Variants in TANC2 observed in about 807,000 individuals in gnomAD.
TANC2 encodes tetratricopeptide repeat, ankyrin repeat and coiled-coil containing 2.
Under a neutral mutation model 210.5 loss-of-function variants are expected in TANC2, and 26 were observed. That is an observed-to-expected ratio of 0.12 (90% CI 0.09 to 0.17). The LOEUF is 0.17. Among genes scored for constraint, TANC2 ranks in the 10% least tolerant of loss-of-function variants. The probability of loss-of-function intolerance (pLI) is 1.00; values close to 1 mark genes in which losing one functional copy is unlikely to be tolerated. For missense variants in TANC2, 2,129 were observed against 2,608.9 expected, an observed-to-expected ratio of 0.82 and a Z score of 4.01; for synonymous variants, 931 against 967.1, an observed-to-expected ratio of 0.96 and a Z score of 0.69.
intron 2 of TANC2, among the ~76,000 whole-genome samples, chr17:63,045,620 C>T (rs1293280783): frequency 6.6e-6 from 1 of 151,872 alleles, no homozygotes; most frequent in Non-Finnish European, 1.5e-5. Context: ...AGAAAAGGGT[C>T]TAATCTTTTT....
chr17:63,116,181 T>G (rs972010939), intron 4 of TANC2, among the ~76,000 whole-genome samples: 4 of 152,196 alleles, frequency 2.6e-5, no homozygotes, highest in African/African-American at 9.7e-5. Context: ...CAATTTCATA[T>G]AGAACTACCC....
chr17:63,261,208 T>C (rs549559912), intron 8 of TANC2, among the ~76,000 whole-genome samples: 2 of 151,950 alleles, frequency 1.3e-5, no homozygotes, highest in East Asian at 3.9e-4. Flanking sequence ...TGTGCCACTG[T>C]ACTCCAGCCT....
At chr17:63,227,939 C>T (rs368220513) in intron 7 of TANC2, among the ~76,000 whole-genome samples, 72 of 152,200 alleles carry the variant, frequency 4.7e-4, no homozygotes, top group African/African-American at 1.5e-3. Context: ...TCTCGGCTCA[C>T]GGCAACCTCC....
chr17:63,264,611 A>T (rs1217482294), intron 8 of TANC2, among the ~76,000 whole-genome samples: 3 of 152,072 alleles, frequency 2.0e-5, no homozygotes, highest in Non-Finnish European at 2.9e-5. Context: ...ATTTGGGGAG[A>T]TGGTATAAAG....
intron 9 of TANC2, among the ~76,000 whole-genome samples, chr17:63,303,426 A>G (rs1247962412): frequency 6.6e-6 from 1 of 152,146 alleles, no homozygotes. Flanking sequence ...ATTGGCCCCC[A>G]CTGTCTTCTG....
rs145142133 is a variant in TANC2, at chr17:62,971,107, C to T, written c.-24+4358C>T. Among the ~76,000 whole-genome samples, 435 of 151,874 alleles carry T rather than the reference C, an allele frequency of 2.9e-3. 1 individual carries two copies. Among genetic ancestry groups the T allele is most frequent in the African/African-American group, 0.01 (419 of 41,396 alleles). On this transcript the variant is annotated intron_variant, in intron 1 of 27. Transcript: ENST00000689528. ...CTTCGTTGTAATACCGTGAGAATAC[C>T]GCTTGGTTTCTTTGAATAGCGTCTT...
intron 9 of TANC2, among the ~76,000 whole-genome samples, chr17:63,273,438 A>AT (rs1331218103): frequency 2.0e-5 from 3 of 152,110 alleles, no homozygotes; most frequent in Admixed American, 1.3e-4. Flanking sequence ...TCATTTATTC[A>AT]TTTTTTTATA....
intron 11 of TANC2, among the ~76,000 whole-genome samples, chr17:63,324,798 A>C (rs1443151326): frequency 6.6e-6 from 1 of 152,156 alleles, no homozygotes; most frequent in African/African-American, 2.4e-5. Context: ...AGAATGGGTC[A>C]GTGTTTAAAT....
chr17:63,187,200 T>C (rs1188892489), intron 5 of TANC2, among the ~76,000 whole-genome samples: 1 of 152,202 alleles, frequency 6.6e-6, no homozygotes, highest in Non-Finnish European at 1.5e-5. Flanking sequence ...GACTTGGAGA[T>C]GACGGTATAA....
At chr17:63,028,482 G>A (rs2034641557) in intron 2 of TANC2, among the ~76,000 whole-genome samples, 1 of 152,064 alleles carries the variant, frequency 6.6e-6, no homozygotes, top group South Asian at 2.1e-4. Context: ...AAGACACAGG[G>A]GCTTGGGCTA....
intron 4 of TANC2, among the ~76,000 whole-genome samples, chr17:63,099,775 T>C (rs1442411360): frequency 4.6e-5 from 7 of 152,120 alleles, no homozygotes; most frequent in African/African-American, 1.7e-4. Context: ...GCTATTTGTA[T>C]ATTTTATATA....
chr17:63,336,561 A>C (rs888604880), intron 11 of TANC2, among the ~76,000 whole-genome samples: 5 of 152,212 alleles, frequency 3.3e-5, no homozygotes, highest in African/African-American at 1.2e-4. Context: ...ATTGACTTCT[A>C]GTCTTTTCTT....
chr17:63,050,338 C>T (rs1476106388), intron 2 of TANC2, among the ~76,000 whole-genome samples: 2 of 139,354 alleles, frequency 1.4e-5, no homozygotes, highest in African/African-American at 5.4e-5. Flanking sequence ...GCCTGGGCAA[C>T]AGAGCAAGAC....
chr17:63,244,704 CT>C (rs2042868406), intron 8 of TANC2, among the ~76,000 whole-genome samples: 1 of 152,166 alleles, frequency 6.6e-6, no homozygotes, highest in Admixed American at 6.5e-5. Flanking sequence ...CCGCCGATTT[CT>C]TTAGCGTATT....
At chr17:63,037,718 G>A (rs1239797329) in intron 2 of TANC2, among the ~76,000 whole-genome samples, 3 of 152,042 alleles carry the variant, frequency 2.0e-5, no homozygotes, top group African/African-American at 7.2e-5. Context: ...GGAGTCTGAG[G>A]CAGGAGAATC....
intron 17 of TANC2, chr17:63,390,113 C>G (rs2047918383): frequency 6.6e-6 from 1 of 152,440 alleles, no homozygotes; most frequent in Non-Finnish European, 1.5e-5. Flanking sequence ...GAAAATATTT[C>G]CAAAATATGT....
rs557415166 is a variant in TANC2, at chr17:63,419,999, A to G, written c.4269A>G (p.Arg1423=). 1.6e-5 allele frequency: 25 copies of G among 1,535,126 alleles called. No individual in the cohort carries two copies. In the African/African-American group the frequency reaches 3.3e-4, roughly 20 times the overall value. ...CCTGTGTTCACATTTTGTCAAGCAG[A>G]CAGTTCGCAGCAGCCTTAGAGGACC... is the stretch of plus-strand genomic sequence containing the variant. The change falls in exon 28 of 28, where the codon AGA becomes AGG. Residue 1423 remains arginine (R), a splice_region_variant and synonymous_variant. Coordinates refer to ENST00000689528, the Ensembl canonical transcript of TANC2.
At chr17:62,990,066 T>C (rs142233443) in intron 1 of TANC2, among the ~76,000 whole-genome samples, 4,424 of 152,132 alleles carry the variant, frequency 0.029, 77 homozygotes, top group South Asian at 0.037. Flanking sequence ...CATGAGCCAC[T>C]GCACCCGGCC....
intron 7 of TANC2, among the ~76,000 whole-genome samples, chr17:63,205,530 C>T (rs761457720): frequency 1.3e-5 from 2 of 151,790 alleles, no homozygotes; most frequent in African/African-American, 2.4e-5. Flanking sequence ...GGATATGAAC[C>T]AAAAGCACAG....
Sources: gnomAD v4.1 joint callset for allele counts (sites outside exome capture counted in the v4.1 genomes callset) on GRCh38, gnomAD v4.1.1 for gene constraint, MANE v1.5 for transcripts, NCBI Gene and HGNC (gene_info 2026-07-23, HGNC 2026-07-21) for gene names.